GRM7: variants seen among roughly 807,000 people sequenced by gnomAD.
The protein encoded by GRM7 is glutamate metabotropic receptor 7.
Under a neutral mutation model 84.5 loss-of-function variants are expected in GRM7, and 35 were observed. The observed-to-expected ratio is 0.41, with a 90% confidence interval of 0.32 to 0.55. GRM7 has a LOEUF of 0.55. GRM7 is among the 20% of genes least tolerant of loss of function. The pLI, the probability that GRM7 is intolerant of heterozygous loss-of-function variation, is 0.19. For synonymous variants in GRM7, 487 were observed against 455.1 expected, an observed-to-expected ratio of 1.07 and a Z score of -0.89; for missense variants, 1,003 against 1,194.6, an observed-to-expected ratio of 0.84 and a Z score of 2.36.
At chr3:7,019,452 C>T (rs907973734) in intron 1 of GRM7, among the ~76,000 whole-genome samples, 12 of 152,150 alleles carry the variant, frequency 7.9e-5, no homozygotes, top group Admixed American at 3.3e-4. Flanking sequence ...CTATCCATCC[C>T]TCTCTCTCCC....
At chr3:7,113,330 A>G (rs980111338) in intron 1 of GRM7, among the ~76,000 whole-genome samples, 1 of 152,236 alleles carries the variant, frequency 6.6e-6, no homozygotes, top group Admixed American at 6.5e-5. Context: ...CAGAAAGTAC[A>G]GAGAATTCTC....
At chr3:6,916,845 A>G (rs933541924) in intron 1 of GRM7, among the ~76,000 whole-genome samples, 11 of 152,144 alleles carry the variant, frequency 7.2e-5, no homozygotes, top group African/African-American at 2.2e-4. Flanking sequence ...ACTATTCTCA[A>G]TCCTGATATG....
At chr3:7,418,760 C>T (rs964882662) in intron 5 of GRM7, among the ~76,000 whole-genome samples, 1 of 152,096 alleles carries the variant, frequency 6.6e-6, no homozygotes, top group Non-Finnish European at 1.5e-5. Context: ...GAGATTGAGG[C>T]CATCTTGGGG....
At chr3:7,286,044 G>A (rs1035160145) in intron 2 of GRM7, among the ~76,000 whole-genome samples, 1 of 152,088 alleles carries the variant, frequency 6.6e-6, no homozygotes, top group African/African-American at 2.4e-5. Context: ...CAAATAGGTA[G>A]CAACCCAGCT....
chr3:7,493,526 C>CT (rs1325266358), intron 7 of GRM7, among the ~76,000 whole-genome samples: 5 of 151,884 alleles, frequency 3.3e-5, no homozygotes, highest in African/African-American at 1.2e-4. Flanking sequence ...CATGGTATAT[C>CT]TTTTTGCATC....
At chr3:7,450,092 G>T (rs1403054176) in intron 5 of GRM7, among the ~76,000 whole-genome samples, 1 of 143,338 alleles carries the variant, frequency 7.0e-6, no homozygotes, top group East Asian at 2.0e-4. Context: ...TTTAAAAAGA[G>T]AAGAGAATGG....
At chr3:7,627,319 G>A (rs547703944) in intron 8 of GRM7, among the ~76,000 whole-genome samples, 13 of 152,222 alleles carry the variant, frequency 8.5e-5, no homozygotes, top group South Asian at 6.2e-4. Flanking sequence ...AATGTTACCT[G>A]GAGTACAAAT....
intron 4 of GRM7, among the ~76,000 whole-genome samples, chr3:7,328,479 C>T (rs1473815410): frequency 6.6e-6 from 1 of 152,170 alleles, no homozygotes; most frequent in Non-Finnish European, 1.5e-5. Context: ...AGCAATAGCA[C>T]AGCCCTTTGA....
At chr3:7,301,778 A>C (rs1700009969) in intron 3 of GRM7, among the ~76,000 whole-genome samples, 1 of 122,858 alleles carries the variant, frequency 8.1e-6, no homozygotes, top group South Asian at 2.7e-4. Context: ...TTATTCTAAA[A>C]CATGATCTTA....
rs367552111 is a variant in GRM7 at position 7,675,154 on chromosome 3, T to C, written c.2452-4895T>C. 2.8e-3 allele frequency among the ~76,000 whole-genome samples: 425 copies of C among 152,368 alleles called. 7 individuals carry two copies. Among genetic ancestry groups the C allele is most frequent in the Middle Eastern group, 0.02 (6 of 294 alleles). Reference sequence around the variant, plus strand: ...AAAGACATCAATAGTAATAAGATGATTTCTCAAAAATGTGAAATTGGGTTT... The same window carrying C: ...AAAGACATCAATAGTAATAAGATGACTTCTCAAAAATGTGAAATTGGGTTT... On this transcript the variant is annotated intron_variant, in intron 8 of 9. Transcript: ENST00000357716.
chr3:7,040,525 G>A (rs954539271), intron 1 of GRM7, among the ~76,000 whole-genome samples: 1 of 151,772 alleles, frequency 6.6e-6, no homozygotes, highest in Non-Finnish European at 1.5e-5. Context: ...GGATGGTCTC[G>A]ATCTCCTGAC....
At chr3:6,979,603 C>A (rs1353642258) in intron 1 of GRM7, among the ~76,000 whole-genome samples, 2 of 152,086 alleles carry the variant, frequency 1.3e-5, no homozygotes, top group Admixed American at 6.6e-5. Context: ...CACAGAATAA[C>A]AGTACTTTTA....
chr3:7,287,190 T>G (rs1050309546), intron 2 of GRM7, among the ~76,000 whole-genome samples: 1 of 152,272 alleles, frequency 6.6e-6, no homozygotes, highest in Non-Finnish European at 1.5e-5. Context: ...CTGGAGATAT[T>G]TACTGCAGAA....
chr3:7,204,921 A>T (rs1183862518), intron 2 of GRM7, among the ~76,000 whole-genome samples: 1 of 152,234 alleles, frequency 6.6e-6, no homozygotes, highest in Non-Finnish European at 1.5e-5. Flanking sequence ...GTAAATAAGT[A>T]ACTCAATGAA....
At chr3:7,703,398 A>G (rs1357827682) in intron 9 of GRM7, among the ~76,000 whole-genome samples, 2 of 151,868 alleles carry the variant, frequency 1.3e-5, no homozygotes, top group African/African-American at 2.4e-5. Flanking sequence ...TGTTCTTACT[A>G]AAAAATTCTT....
intron 1 of GRM7, among the ~76,000 whole-genome samples, chr3:7,091,211 C>CA (rs36113765): frequency 0.29 from 39,320 of 137,028 alleles, 6,421 homozygotes; most frequent in African/African-American, 0.48. Flanking sequence ...AGTGAAGTAC[C>CA]AAAAAAAAAA....
At chr3:6,870,993 G>T (rs537500485) in intron 1 of GRM7, among the ~76,000 whole-genome samples, 2 of 152,128 alleles carry the variant, frequency 1.3e-5, no homozygotes, top group African/African-American at 4.8e-5. Flanking sequence ...ATCCGAAAGC[G>T]TTATTTTAAA....
At chr3:7,646,383 G>C (rs532658043) in intron 8 of GRM7, among the ~76,000 whole-genome samples, 1 of 151,946 alleles carries the variant, frequency 6.6e-6, no homozygotes, top group Non-Finnish European at 1.5e-5. Context: ...TAGTAGAGAG[G>C]GGGTTTCACC....
At chr3:6,924,563 A>C (rs1697234317) in intron 1 of GRM7, among the ~76,000 whole-genome samples, 1 of 152,178 alleles carries the variant, frequency 6.6e-6, no homozygotes, top group South Asian at 2.1e-4. Flanking sequence ...AGAACTCTAC[A>C]TATGTTAAGA....
Sources: gnomAD v4.1 joint callset for allele counts (sites outside exome capture counted in the v4.1 genomes callset) on GRCh38, gnomAD v4.1.1 for gene constraint, MANE v1.5 for transcripts, NCBI Gene and HGNC (gene_info 2026-07-23, HGNC 2026-07-21) for gene names.